The following MICU1 variants were observed in gnomAD, a reference collection of about 807,000 sequenced individuals.
The protein encoded by MICU1 is calcium uptake protein 1, mitochondrial.
In MICU1, 45 loss-of-function variants were observed where a neutral mutation model predicts 56.8. That is an observed-to-expected ratio of 0.79 (90% CI 0.62 to 1.02). MICU1 has a LOEUF of 1.02. Ranked by LOEUF, MICU1 falls within the 50% of genes least tolerant of loss-of-function variation. MICU1 has a pLI of 0.00. For missense variants in MICU1, 504 were observed against 587.1 expected, an observed-to-expected ratio of 0.86 and a Z score of 1.46; for synonymous variants, 186 against 195.1, an observed-to-expected ratio of 0.95 and a Z score of 0.39.
chr10:72,462,939 A>T (rs1199066643), intron 8 of MICU1, among the ~76,000 whole-genome samples: 1 of 152,238 alleles, frequency 6.6e-6, no homozygotes, highest in African/African-American at 2.4e-5. Context: ...AACATTAAAG[A>T]TATCTGATAA....
chr10:72,623,457 A>G (rs1031894891), intron 1 of MICU1, among the ~76,000 whole-genome samples: 1 of 152,100 alleles, frequency 6.6e-6, no homozygotes, highest in Non-Finnish European at 1.5e-5. Context: ...AACTGGTTCT[A>G]GTGGCTAGGC....
At chr10:72,441,790 G>C (rs1435713796) in intron 8 of MICU1, among the ~76,000 whole-genome samples, 7 of 151,200 alleles carry the variant, frequency 4.6e-5, no homozygotes, top group Non-Finnish European at 1.5e-5. Context: ...CTATTTTTTT[G>C]TATTTTTAGT....
intron 1 of MICU1, among the ~76,000 whole-genome samples, chr10:72,608,215 T>C (rs758599294): frequency 2.0e-5 from 3 of 152,112 alleles, no homozygotes; most frequent in Non-Finnish European, 4.4e-5. Flanking sequence ...ATTACAGGCA[T>C]GTGCCACCAA....
chr10:72,466,650 C>T (rs143704066), intron 8 of MICU1, among the ~76,000 whole-genome samples: 1 of 152,284 alleles, frequency 6.6e-6, no homozygotes, highest in East Asian at 1.9e-4. Flanking sequence ...ACAAAACCAA[C>T]AAAACTGGGC....
intron 9 of MICU1, among the ~76,000 whole-genome samples, chr10:72,418,240 G>C (rs1864048244): frequency 6.6e-6 from 1 of 152,132 alleles, no homozygotes; most frequent in Non-Finnish European, 1.5e-5. Context: ...CACCCTTTAA[G>C]AAACACTTCT....
At chr10:72,373,368 G>A (rs1454692301) in intron 11 of MICU1, among the ~76,000 whole-genome samples, 1 of 151,910 alleles carries the variant, frequency 6.6e-6, no homozygotes, top group Non-Finnish European at 1.5e-5. Flanking sequence ...GTAGCGATGG[G>A]ATCTCGCTAT....
intron 10 of MICU1, among the ~76,000 whole-genome samples, chr10:72,389,893 C>G (rs1863010119): frequency 6.6e-6 from 1 of 152,224 alleles, no homozygotes; most frequent in Non-Finnish European, 1.5e-5. Context: ...CAGCAGACCA[C>G]TTAAATCAAT....
At chr10:72,460,951 C>T (rs1865621634) in intron 8 of MICU1, among the ~76,000 whole-genome samples, 1 of 152,014 alleles carries the variant, frequency 6.6e-6, no homozygotes, top group Admixed American at 6.6e-5. Context: ...TAAAAGGCAC[C>T]TGCAGCTAAA....
rs142821938 is a variant in MICU1 at position 72,506,141 on chromosome 10, C to T, written c.652+2014G>A. Among the ~76,000 whole-genome samples the T allele has an allele frequency of 9.2e-5, 14 of 152,236 alleles. No individual in the cohort carries two copies. In the East Asian group the frequency reaches 2.3e-3, roughly 25 times the overall value. On this transcript the variant is annotated intron_variant, in intron 6 of 11. Coordinates refer to ENST00000361114, the MANE Select transcript of MICU1 (RefSeq NM_001195518.2). ...CACCACATTCAAACTAGGAGTTGAG[C>T]ACCATAAAGTAAATGTGCTGGGAAT...
intron 1 of MICU1, among the ~76,000 whole-genome samples, chr10:72,580,470 ATTAATT>A (rs1840868828): frequency 9.2e-6 from 1 of 108,944 alleles, no homozygotes; most frequent in Admixed American, 8.7e-5. Context: ...TATTTAATTA[ATTAATT>A]TATTTATTTA....
At chr10:72,399,265 G>C (rs1160773725) in intron 10 of MICU1, among the ~76,000 whole-genome samples, 1 of 151,528 alleles carries the variant, frequency 6.6e-6, no homozygotes, top group African/African-American at 2.4e-5. Flanking sequence ...TGAACAATGA[G>C]ATCACTTGGA....
intron 10 of MICU1, among the ~76,000 whole-genome samples, chr10:72,384,239 C>T (rs554271924): frequency 2.0e-5 from 3 of 152,300 alleles, no homozygotes; most frequent in African/African-American, 7.2e-5. Flanking sequence ...AAGCGAACCA[C>T]CCACCTTGGC....
At chr10:72,479,973 T>G (rs1194031893) in intron 6 of MICU1, among the ~76,000 whole-genome samples, 1 of 152,206 alleles carries the variant, frequency 6.6e-6, no homozygotes, top group Non-Finnish European at 1.5e-5. Flanking sequence ...AATGTAACAA[T>G]GGCAGAAAAT....
rs1241632825 is a variant in MICU1 at position 72,427,733 on chromosome 10, A to AATAAAT, written c.934-4363_934-4362insATTTAT. 2.5e-3 allele frequency among the ~76,000 whole-genome samples: 342 copies of AATAAAT among 136,204 alleles called. 1 individual carries two copies. The highest frequency in any genetic ancestry group is 8.1e-3 in the East Asian group (25 of 3,098). The allele number at this position is 136,204 out of a possible 152,430, so 89.4% of individuals were successfully genotyped here. ...TCAGCATCATAGACCCCATCTCTAA[A>AATAAAT]ATATATATATATATATATATATATA... On this transcript the variant is annotated intron_variant, in intron 8 of 11. Coordinates refer to ENST00000361114, the MANE Select transcript of MICU1 (RefSeq NM_001195518.2).
intron 9 of MICU1, among the ~76,000 whole-genome samples, chr10:72,414,184 G>A (rs961257726): frequency 3.3e-5 from 5 of 152,182 alleles, no homozygotes; most frequent in Admixed American, 6.5e-5. Flanking sequence ...GTTCACAGCA[G>A]CATTATTCCT....
chr10:72,435,385 C>CAAAAAAAA (rs34955776), intron 8 of MICU1, among the ~76,000 whole-genome samples: 10 of 48,060 alleles, frequency 2.1e-4, no homozygotes, highest in Non-Finnish European at 4.5e-4. Context: ...GACCCTGTTA[C>CAAAAAAAA]AAAAAAAAAA....
intron 1 of MICU1, among the ~76,000 whole-genome samples, chr10:72,606,071 C>CA (rs1474378650): frequency 6.7e-6 from 1 of 148,932 alleles, no homozygotes; most frequent in Non-Finnish European, 1.5e-5. Flanking sequence ...GTGGAGGTTG[C>CA]AGTGAGCCAA....
intron 3 of MICU1, chr10:72,560,527 TAAATC>T (rs1840270265): frequency 1.3e-5 from 2 of 152,138 alleles, no homozygotes; most frequent in African/African-American, 2.4e-5. Flanking sequence ...CTCTGAAAAA[TAAATC>T]AAACCCTTGA....
At chr10:72,514,330 ACTCC>A (rs1867578473) in intron 5 of MICU1, among the ~76,000 whole-genome samples, 1 of 151,078 alleles carries the variant, frequency 6.6e-6, no homozygotes, top group Admixed American at 6.6e-5. Flanking sequence ...CCTCAAGGAT[ACTCC>A]CTATTTCTTT....
Sources: gnomAD v4.1 joint callset for allele counts (sites outside exome capture counted in the v4.1 genomes callset) on GRCh38, gnomAD v4.1.1 for gene constraint, MANE v1.5 for transcripts, NCBI Gene and HGNC (gene_info 2026-07-23, HGNC 2026-07-21) for gene names.